Variants in MAGI2 observed in about 807,000 individuals in gnomAD.
MAGI2 encodes membrane-associated guanylate kinase, WW and PDZ domain-containing protein 2.
MAGI2 carries 35 observed loss-of-function variants against 133.3 expected under a neutral mutation model. The ratio of observed to expected loss-of-function variants is 0.26; its 90% CI spans 0.20 to 0.35. The LOEUF (loss-of-function observed/expected upper bound fraction) is 0.35, where lower values mean the gene tolerates loss of function less well. MAGI2 is among the 10% of genes least tolerant of loss of function. The pLI is 1.00. For synonymous variants in MAGI2, 729 were observed against 710.6 expected, an observed-to-expected ratio of 1.03 and a Z score of -0.41; for missense variants, 1,636 against 1,863.4, an observed-to-expected ratio of 0.88 and a Z score of 2.25.
chr7:79,235,336 C>T (rs1010459182), intron 1 of MAGI2, among the ~76,000 whole-genome samples: 16 of 152,186 alleles, frequency 1.1e-4, no homozygotes, highest in African/African-American at 3.9e-4. Flanking sequence ...TTCGAGCTTC[C>T]CGGCTGCTTT....
At chr7:78,526,322 T>C (rs961413806) in intron 3 of MAGI2, among the ~76,000 whole-genome samples, 9 of 152,176 alleles carry the variant, frequency 5.9e-5, no homozygotes, top group African/African-American at 2.2e-4. Flanking sequence ...ATTTTAGGAA[T>C]TTTTTTCCAT....
intron 6 of MAGI2, among the ~76,000 whole-genome samples, chr7:78,431,039 T>C (rs1040402950): frequency 6.6e-6 from 1 of 151,640 alleles, no homozygotes; most frequent in Non-Finnish European, 1.5e-5. Flanking sequence ...AGCTTCTCTA[T>C]GAGCTGAATT....
chr7:78,957,479 T>C (rs1236215090), intron 2 of MAGI2, among the ~76,000 whole-genome samples: 1 of 152,014 alleles, frequency 6.6e-6, no homozygotes, highest in Non-Finnish European at 1.5e-5. Context: ...ACTGATAAAT[T>C]TACTATATGT....
intron 20 of MAGI2, among the ~76,000 whole-genome samples, chr7:78,086,622 A>G (rs1583836870): frequency 7.6e-6 from 1 of 131,692 alleles, no homozygotes; most frequent in Non-Finnish European, 1.6e-5. Flanking sequence ...CTGGGTGATC[A>G]CTTCCCATTA....
At chr7:78,699,588 G>A (rs902714164) in intron 2 of MAGI2, among the ~76,000 whole-genome samples, 9 of 152,054 alleles carry the variant, frequency 5.9e-5, no homozygotes, top group Non-Finnish European at 1.2e-4. Context: ...AATACTTCTA[G>A]GCCCAAGCAT....
chr7:78,550,911 G>A (rs1238863656), intron 3 of MAGI2, among the ~76,000 whole-genome samples: 2 of 152,078 alleles, frequency 1.3e-5, no homozygotes, highest in Non-Finnish European at 2.9e-5. Context: ...CATGCATTTA[G>A]TGTGTCTCTT....
intron 3 of MAGI2, among the ~76,000 whole-genome samples, chr7:78,530,812 T>C (rs1797403520): frequency 6.6e-6 from 1 of 152,166 alleles, no homozygotes; most frequent in Non-Finnish European, 1.5e-5. Flanking sequence ...GGGTTACTAC[T>C]CTGAGAAACT....
intron 9 of MAGI2, among the ~76,000 whole-genome samples, chr7:78,284,426 T>C (rs552714096): frequency 6.6e-6 from 1 of 150,394 alleles, no homozygotes; most frequent in African/African-American, 2.5e-5. Flanking sequence ...GTGTTTGGGC[T>C]GAGGAAAGGG....
chr7:78,138,638 C>T (rs879274228), intron 16 of MAGI2, among the ~76,000 whole-genome samples: 10,328 of 116,372 alleles, frequency 0.089, 463 homozygotes, highest in Non-Finnish European at 0.13. Context: ...CACACACACA[C>T]ACACACACAC....
At chr7:78,505,021 T>C (rs1794962142) in intron 4 of MAGI2, among the ~76,000 whole-genome samples, 1 of 152,168 alleles carries the variant, frequency 6.6e-6, no homozygotes, top group African/African-American at 2.4e-5. Flanking sequence ...TGCAAGGATG[T>C]ACAACAGATT....
At chr7:78,518,978 T>A (rs1796264453) in intron 4 of MAGI2, 1 of 152,172 alleles carries the variant, frequency 6.6e-6, no homozygotes, top group African/African-American at 2.4e-5. Flanking sequence ...ATGAAAGTGA[T>A]CTGCCTGCCT....
intron 6 of MAGI2, among the ~76,000 whole-genome samples, chr7:78,429,102 T>C (rs982809162): frequency 1.3e-5 from 2 of 152,088 alleles, no homozygotes; most frequent in Non-Finnish European, 1.5e-5. Flanking sequence ...TTATTATTGG[T>C]TTCTATAATG....
In MAGI2 at chr7:78,698,831, A is replaced by G. The variant is rs138697608; in HGVS notation, c.419-71592T>C. On this transcript the variant is annotated intron_variant, in intron 2 of 21. Transcript: ENST00000354212. ...CCATCAGATCTCGTGAGAACTCACT[A>G]TCAGAAGAACAGCATGAGGGTAACC... 2.6e-3 allele frequency among the ~76,000 whole-genome samples: 397 copies of G among 152,192 alleles called. 2 individuals carry two copies. Among genetic ancestry groups the G allele is most frequent in the Non-Finnish European group, 4.4e-3 (300 of 68,006 alleles).
chr7:79,151,692 A>G (rs1470701359), intron 1 of MAGI2, among the ~76,000 whole-genome samples: 4 of 152,340 alleles, frequency 2.6e-5, no homozygotes, highest in Middle Eastern at 3.4e-3. Flanking sequence ...GGACTTCAGC[A>G]GAACATAACA....
At chr7:78,410,743 A>G (rs1216921767) in intron 6 of MAGI2, among the ~76,000 whole-genome samples, 1 of 151,790 alleles carries the variant, frequency 6.6e-6, no homozygotes, top group Non-Finnish European at 1.5e-5. Flanking sequence ...TACCTGGGGG[A>G]AAAAAAAGCA....
chr7:78,549,973 G>T (rs1228395036), intron 3 of MAGI2, among the ~76,000 whole-genome samples: 2 of 152,168 alleles, frequency 1.3e-5, no homozygotes, highest in African/African-American at 4.8e-5. Context: ...TTTGGGAAAT[G>T]ATTGGGTTTT....
At chr7:79,252,439 C>G (rs1009821846) in intron 1 of MAGI2, among the ~76,000 whole-genome samples, 2 of 151,916 alleles carry the variant, frequency 1.3e-5, no homozygotes, top group African/African-American at 2.4e-5. Context: ...TTACCAGAGG[C>G]TGGGAAGAAT....
At chr7:79,354,236 T>G (rs565938508) in intron 1 of MAGI2, 1 of 152,410 alleles carries the variant, frequency 6.6e-6, no homozygotes, top group East Asian at 1.9e-4. Flanking sequence ...GTCAGCTCCC[T>G]GCCAACACCC....
chr7:79,367,042 A>G (rs965691162), intron 1 of MAGI2, among the ~76,000 whole-genome samples: 4 of 152,228 alleles, frequency 2.6e-5, no homozygotes, highest in African/African-American at 9.6e-5. Flanking sequence ...CTTTGAACAT[A>G]GACTGCTAAG....
Sources: allele counts gnomAD v4.1 joint callset (sites outside exome capture counted in the v4.1 genomes callset), GRCh38; gene constraint gnomAD v4.1.1; transcripts MANE v1.5; gene names NCBI Gene and HGNC (gene_info 2026-07-23, HGNC 2026-07-21).